The following PIAS4 variants were observed in gnomAD, a reference collection of about 807,000 sequenced individuals.
PIAS4 encodes protein inhibitor of activated STAT 4.
PIAS4 carries 7 observed loss-of-function variants against 58.0 expected under a neutral mutation model. That is an observed-to-expected ratio of 0.12 (90% CI 0.07 to 0.23). The LOEUF is 0.23. Among genes scored for constraint, PIAS4 ranks in the 10% least tolerant of loss-of-function variants. The probability of loss-of-function intolerance (pLI) is 1.00; values close to 1 mark genes in which losing one functional copy is unlikely to be tolerated. For synonymous variants in PIAS4, 364 were observed against 312.4 expected (o/e 1.17, Z -1.74); for missense variants, 550 against 709.5 (o/e 0.78, Z 2.55).
rs2040136559 is a variant in PIAS4, at chr19:4,023,946, G to GC, written c.455-90_455-89insC. On this transcript the variant is annotated intron_variant, in intron 2 of 10. Transcript: ENST00000262971. ...GCCAACTTCCCATTTCCTGTTTCCT[G>GC]GTCTGAAGAGGCGCAGGCTGGGAAA... is the stretch of plus-strand genomic sequence containing the variant. The GC allele has an allele frequency of 4.6e-6, 4 of 866,456 alleles. No individual in the cohort carries two copies. The South Asian group carries it at 5.3e-5, about 12-fold the overall frequency. The allele number at this position is 866,456 out of a possible 1,614,324, so 53.7% of individuals were successfully genotyped here. A position where few individuals can be genotyped will look rare whatever the true frequency, so the allele number is the denominator to read the frequency against.
chr19:4,009,727 C>T (rs1260293229), intron 1 of PIAS4, among the ~76,000 whole-genome samples: 2 of 152,188 alleles, frequency 1.3e-5, no homozygotes, highest in Admixed American at 1.3e-4. Context: ...CCCTTCTTTA[C>T]AGGGGCCTTC....
chr19:4,026,073 CAAAAAAAAAAA>C (rs34554020), intron 3 of PIAS4, among the ~76,000 whole-genome samples: 7 of 76,808 alleles, frequency 9.1e-5, no homozygotes, highest in African/African-American at 4.2e-4. Flanking sequence ...GACTCCGTCT[CAAAAAAAAAAA>C]AAAAAAAAAG....
chr19:4,016,055 G>T (rs990047791), intron 2 of PIAS4, among the ~76,000 whole-genome samples: 1 of 152,188 alleles, frequency 6.6e-6, no homozygotes, highest in Admixed American at 6.5e-5. Flanking sequence ...CCCTCCTCCC[G>T]AGCCGACTGG....
intron 2 of PIAS4, among the ~76,000 whole-genome samples, chr19:4,015,790 C>T (rs1216931869): frequency 4.6e-5 from 7 of 152,224 alleles, no homozygotes; most frequent in African/African-American, 1.7e-4. Flanking sequence ...CAGCGTGAGG[C>T]CCACCGCTCT....
At position 4,038,156 on chromosome 19, in the gene PIAS4, C is replaced by T; in HGVS notation, c.*281C>T. The T allele has an allele frequency of 2.6e-6, 1 of 391,580 alleles. No homozygotes were observed. Among genetic ancestry groups the T allele is most frequent in the South Asian group, 2.6e-5 (1 of 38,210 alleles). The allele number at this position is 391,580 out of a possible 1,614,324, so 24.3% of individuals were successfully genotyped here. A position where few individuals can be genotyped will look rare whatever the true frequency, so the allele number is the denominator to read the frequency against. On this transcript the variant is annotated 3_prime_UTR_variant, in exon 11 of 11. Transcript: ENST00000262971. The surrounding 1 kb of genome is among the most constrained non-coding windows in gnomAD (Gnocchi z 4.1). ...GCCACCCACACAGCCGCCTCCCCGG[C>T]TGGAGTCCGAGCCGGGAAGGGGTAG...
intron 7 of PIAS4, among the ~76,000 whole-genome samples, 167 bp from the exon 8 acceptor site, chr19:4,032,933 G>A (rs1338095141): frequency 6.6e-6 from 1 of 152,170 alleles, no homozygotes; most frequent in East Asian, 1.9e-4. Context: ...GTTGCCACCC[G>A]GCTTTCTCCA....
At chr19:4,035,014 G>A (rs931825211) in intron 9 of PIAS4, among the ~76,000 whole-genome samples, 9 of 152,308 alleles carry the variant, frequency 5.9e-5, no homozygotes, top group Non-Finnish European at 8.8e-5. Context: ...TGTGTGTCTT[G>A]GGGAGGAGGA....
At chr19:4,030,923 C>G (rs1429095006) in intron 7 of PIAS4, among the ~76,000 whole-genome samples, 5 of 152,092 alleles carry the variant, frequency 3.3e-5, no homozygotes, top group Non-Finnish European at 7.4e-5. Flanking sequence ...GGGAGTCAGG[C>G]AGGTGGGTGA....
At chr19:4,024,202 C>T (rs928705658) in intron 3 of PIAS4, 82 bp downstream of exon 3, 3 of 1,016,004 alleles carry the variant, frequency 3.0e-6, no homozygotes, top group Non-Finnish European at 4.7e-6. Context: ...AGCCGGCAGC[C>T]ACGTCCACTG....
intron 2 of PIAS4, among the ~76,000 whole-genome samples, chr19:4,014,054 G>T (rs548918721): frequency 6.8e-6 from 1 of 146,122 alleles, no homozygotes; most frequent in African/African-American, 2.4e-5. Context: ...CTGGCCAGTG[G>T]CATCCTTCCC....
chr19:4,028,218 C>G (rs755539511), intron 4 of PIAS4, 31 bp downstream of exon 4: 7 of 1,600,568 alleles, frequency 4.4e-6, no homozygotes, highest in South Asian at 1.1e-5. Context: ...GACCCCAGGG[C>G]TGGACCCCCA....
At chr19:4,028,391 G>T in intron 4 of PIAS4, 119 bp from the exon 5 acceptor site, 2 of 824,978 alleles carry the variant, frequency 2.4e-6, no homozygotes, top group Non-Finnish European at 3.9e-6. Context: ...GATACCCCCC[G>T]TGTCACATTC....
chr19:4,028,614 G>GC lies in PIAS4; in HGVS notation c.672+19dup. The GC allele has an allele frequency of 6.2e-7, 1 of 1,611,408 alleles. No individual in the cohort carries two copies. The highest frequency in any genetic ancestry group is 8.5e-7 in the Non-Finnish European group (1 of 1,178,890). On this transcript the variant is annotated intron_variant, in intron 5 of 10. Transcript: ENST00000262971. ...TGCTCCGTCCCGGTGAGCATGCCCC[G>GC]CCCCCGCGTCGGCTGCACGGGTTTG...
intron 7 of PIAS4, among the ~76,000 whole-genome samples, chr19:4,031,260 G>T (rs568527640): frequency 5.3e-5 from 8 of 152,272 alleles, no homozygotes; most frequent in Non-Finnish European, 8.8e-5. Context: ...GGGCCTGCGA[G>T]CCCCATCGTG....
At chr19:4,017,080 G>A (rs929492172) in intron 2 of PIAS4, among the ~76,000 whole-genome samples, 2 of 152,178 alleles carry the variant, frequency 1.3e-5, no homozygotes, top group Admixed American at 6.5e-5. Flanking sequence ...GGATGGGCAC[G>A]GAGCGTCCTG....
intron 1 of PIAS4, among the ~76,000 whole-genome samples, chr19:4,011,108 G>A (rs143725430): frequency 5.9e-5 from 9 of 152,338 alleles, no homozygotes; most frequent in Admixed American, 1.3e-4. Flanking sequence ...CTCCTGGCAC[G>A]GAGGCTGCAG....
At chr19:4,014,236 C>T (rs1034978020) in intron 2 of PIAS4, among the ~76,000 whole-genome samples, 1 of 152,200 alleles carries the variant, frequency 6.6e-6, no homozygotes, top group Non-Finnish European at 1.5e-5. Flanking sequence ...CAAGCACTGA[C>T]TGAGCAGGAA....
chr19:4,008,033 G>A (rs907067019), intron 1 of PIAS4, among the ~76,000 whole-genome samples: 10 of 151,624 alleles, frequency 6.6e-5, no homozygotes, highest in Non-Finnish European at 1.2e-4. Flanking sequence ...CTTCAGGCAG[G>A]GTCCCCCCAC....
rs759009184 is a variant in PIAS4, at chr19:4,013,247, G to A, written c.352G>A (p.Gly118Arg). The change falls in exon 2 of 11, where the codon GGA becomes AGA. Residue 118 changes from glycine (G) to arginine (R), a missense_variant. By Grantham distance (125) the Gly-to-Arg change is moderately radical. Transcript: ENST00000262971. This position sits in a 1 kb window ranked among gnomAD's most constrained non-coding sequence, Gnocchi z 5.1. ...CGTGCTCTACGGAAAGTACTTAAAC[G>A]GACTGGGACGGTTGCCCGCCAAGAC... ...YPVLYGKYLN[G>R]LGRLPAKTLK... 2.5e-6 allele frequency: 4 copies of A among 1,613,358 alleles called. No individual in the cohort carries two copies. The highest frequency in any genetic ancestry group is 3.4e-6 in the Non-Finnish European group (4 of 1,179,984).
Sources: gnomAD v4.1 joint callset for allele counts (sites outside exome capture counted in the v4.1 genomes callset) on GRCh38, gnomAD v4.1.1 for gene constraint, Gnocchi (gnomAD v3.1) non-coding constraint, MANE v1.5 for transcripts, NCBI Gene and HGNC (gene_info 2026-07-23, HGNC 2026-07-21) for gene names.